Variants in WWOX observed in about 807,000 individuals in gnomAD.
WWOX encodes the protein WW domain containing oxidoreductase, also known as WW domain-containing oxidoreductase.
Under a neutral mutation model 46.2 loss-of-function variants are expected in WWOX, and 69 were observed. That is an observed-to-expected ratio of 1.49 (90% CI 1.23 to 1.82). WWOX has a LOEUF of 1.82. Ranked by LOEUF, WWOX falls within the 40% of genes most tolerant of loss-of-function variation. The pLI is 0.00. For missense variants in WWOX, 919 were observed against 542.6 expected (o/e 1.69, Z -6.89); for synonymous variants, 359 against 202.6 (o/e 1.77, Z -6.56).
At chr16:78,443,468 A>T (rs901977811) in intron 8 of WWOX, among the ~76,000 whole-genome samples, 2 of 152,148 alleles carry the variant, frequency 1.3e-5, no homozygotes, top group Non-Finnish European at 2.9e-5. Context: ...CTTGGAGGAA[A>T]CATTGGCCAC....
At chr16:78,571,155 T>C (rs2151573466) in intron 8 of WWOX, among the ~76,000 whole-genome samples, 1 of 152,328 alleles carries the variant, frequency 6.6e-6, no homozygotes, top group East Asian at 1.9e-4. Flanking sequence ...GAAAATCCAC[T>C]GAGGAAGAAA....
At chr16:79,111,205 T>C (rs1439608327) in intron 8 of WWOX, among the ~76,000 whole-genome samples, 2 of 152,214 alleles carry the variant, frequency 1.3e-5, no homozygotes, top group Non-Finnish European at 2.9e-5. Context: ...TGCATCTTTA[T>C]GGTATGACCA....
chr16:78,985,754 G>C (rs2046772229), intron 8 of WWOX, among the ~76,000 whole-genome samples: 1 of 145,020 alleles, frequency 6.9e-6, no homozygotes, highest in African/African-American at 2.5e-5. Context: ...GGGCAAAAGA[G>C]TGAGACTCCA....
At chr16:78,886,364 A>T (rs1414110440) in intron 8 of WWOX, among the ~76,000 whole-genome samples, 1 of 151,528 alleles carries the variant, frequency 6.6e-6, no homozygotes, top group Non-Finnish European at 1.5e-5. Flanking sequence ...TTATTTACTC[A>T]ATATTAATTA....
At chr16:79,024,653 T>A (rs139157454) in intron 8 of WWOX, among the ~76,000 whole-genome samples, 21 of 152,196 alleles carry the variant, frequency 1.4e-4, no homozygotes, top group African/African-American at 5.1e-4. Context: ...GCCAGGATGG[T>A]CTTCATCTCC....
intron 5 of WWOX, among the ~76,000 whole-genome samples, chr16:78,281,510 C>A (rs2079677497): frequency 6.6e-6 from 1 of 152,106 alleles, no homozygotes; most frequent in South Asian, 2.1e-4. Flanking sequence ...AAGTTTTGTG[C>A]AAGAGTCAGC....
At chr16:78,414,414 C>T (rs370440212) in intron 6 of WWOX, among the ~76,000 whole-genome samples, 2 of 152,102 alleles carry the variant, frequency 1.3e-5, no homozygotes, top group African/African-American at 2.4e-5. Context: ...ACTAAAAATA[C>T]AAAAATTAGC....
chr16:78,434,807 G>T (rs182035484), intron 8 of WWOX, among the ~76,000 whole-genome samples: 5 of 152,248 alleles, frequency 3.3e-5, no homozygotes, highest in African/African-American at 1.2e-4. Flanking sequence ...TTGTAGACTC[G>T]AATGGATGAG....
At chr16:78,755,614 C>A (rs1210595149) in intron 8 of WWOX, among the ~76,000 whole-genome samples, 1 of 152,148 alleles carries the variant, frequency 6.6e-6, no homozygotes, top group African/African-American at 2.4e-5. Context: ...ACTGGGATTC[C>A]TGTGTGATTT....
chr16:78,929,977 G>A lies in WWOX; in HGVS notation c.1057-281631G>A, dbSNP rs948937121. On this transcript the variant is annotated intron_variant, in intron 8 of 8. Coordinates refer to ENST00000566780, the MANE Select transcript of WWOX (RefSeq NM_016373.4). ...TAACTGCCCTTGCAGCTAGCTCTCT[G>A]TGACCGTGTGACCATGTGACCCAGT... Among the ~76,000 whole-genome samples the A allele has an allele frequency of 4.6e-5, 7 of 152,268 alleles. No individual in the cohort carries two copies. The East Asian group carries it at 1.4e-3, about 30-fold the overall frequency.
chr16:78,368,453 T>A (rs2081591065), intron 5 of WWOX, among the ~76,000 whole-genome samples: 2 of 152,116 alleles, frequency 1.3e-5, no homozygotes, highest in Non-Finnish European at 2.9e-5. Context: ...ATGTACCAAA[T>A]GTAGTAAGGC....
chr16:78,432,775 C>G (rs752277864), intron 8 of WWOX, 23 bp downstream of exon 8: 1 of 1,613,968 alleles, frequency 6.2e-7, no homozygotes, highest in Non-Finnish European at 8.5e-7. Context: ...CTTCTGGCGC[C>G]GCAAACACCT....
intron 8 of WWOX, among the ~76,000 whole-genome samples, chr16:78,654,783 G>A (rs1402152948): frequency 6.6e-6 from 1 of 151,474 alleles, no homozygotes; most frequent in African/African-American, 2.4e-5. Context: ...TTGACATTGT[G>A]ATGAAACATA....
chr16:78,675,556 G>A (rs780652912), intron 8 of WWOX, among the ~76,000 whole-genome samples: 4 of 152,180 alleles, frequency 2.6e-5, no homozygotes, highest in African/African-American at 7.2e-5. Context: ...GAGCAAGCAC[G>A]GGGGTTTATG....
intron 8 of WWOX, among the ~76,000 whole-genome samples, chr16:78,451,109 G>C (rs948255164): frequency 2.0e-5 from 3 of 152,168 alleles, no homozygotes; most frequent in African/African-American, 7.2e-5. Flanking sequence ...TCATTGCCAA[G>C]CTAAAGGCTC....
At chr16:78,994,106 G>C (rs540159802) in intron 8 of WWOX, among the ~76,000 whole-genome samples, 2 of 152,158 alleles carry the variant, frequency 1.3e-5, no homozygotes, top group African/African-American at 4.8e-5. Context: ...ATCAAGAAAC[G>C]TTACCTGTCA....
At chr16:78,233,596 G>A (rs576838062) in intron 5 of WWOX, among the ~76,000 whole-genome samples, 23 of 145,982 alleles carry the variant, frequency 1.6e-4, no homozygotes, top group East Asian at 1.0e-3. Context: ...TCGCGATCTC[G>A]GCTCATTGCA....
intron 4 of WWOX, among the ~76,000 whole-genome samples, chr16:78,158,547 C>A (rs1275240835): frequency 1.4e-5 from 2 of 145,080 alleles, no homozygotes; most frequent in Non-Finnish European, 3.0e-5. Context: ...ATATACAGAA[C>A]TTTTTCAGTT....
intron 5 of WWOX, among the ~76,000 whole-genome samples, chr16:78,312,382 T>TTTC (rs961402984): frequency 2.7e-5 from 1 of 36,382 alleles, no homozygotes; most frequent in African/African-American, 1.6e-4. Flanking sequence ...GGTCTAATTC[T>TTTC]TTTTTTTTTT....
Sources: gnomAD v4.1 joint callset for allele counts (sites outside exome capture counted in the v4.1 genomes callset) on GRCh38, gnomAD v4.1.1 for gene constraint, MANE v1.5 for transcripts, NCBI Gene and HGNC (gene_info 2026-07-23, HGNC 2026-07-21) for gene names.